A2ML1: variants seen among roughly 807,000 people sequenced by gnomAD.
A2ML1 encodes alpha-2-macroglobulin-like protein 1.
In A2ML1, 161 loss-of-function variants were observed where a neutral mutation model predicts 181.9. The observed-to-expected ratio is 0.89, with a 90% CI of 0.78 to 1.01. A2ML1 has a LOEUF of 1.01. Among genes scored for constraint, A2ML1 ranks in the 50% least tolerant of loss-of-function variants. A2ML1 has a pLI of 0.00. For synonymous variants in A2ML1, 663 were observed against 666.8 expected (o/e 0.99, Z 0.09); for missense variants, 1,670 against 1,768.1 (o/e 0.94, Z 1.00).
chr12:8,858,233 C>T, intron 26 of A2ML1, 131 bp downstream of exon 26: 1 of 1,141,166 alleles, frequency 8.8e-7, no homozygotes. Flanking sequence ...CTCTGGGTGA[C>T]CGTGATCAAA....
At chr12:8,883,625 C>T (rs978053719) in intron 7 of A2ML1, among the ~76,000 whole-genome samples, 1 of 151,398 alleles carries the variant, frequency 6.6e-6, no homozygotes, top group Non-Finnish European at 1.5e-5. Context: ...TTACAGGTGC[C>T]CACCACCACG....
At chr12:8,868,393 A>T in intron 31 of A2ML1, 36 bp downstream of exon 31, 1 of 1,608,642 alleles carries the variant, frequency 6.2e-7, no homozygotes, top group Non-Finnish European at 8.5e-7. Context: ...CCGGCAGAGC[A>T]CCTGGTCATA....
chr12:8,871,290 G>A (rs1944613072), intron 33 of A2ML1, among the ~76,000 whole-genome samples: 1 of 151,290 alleles, frequency 6.6e-6, no homozygotes, highest in Non-Finnish European at 1.5e-5. Context: ...TGTTTTTGCA[G>A]GTGTTCAGTG....
chr12:8,844,457 G>A (rs577992185), intron 12 of A2ML1, among the ~76,000 whole-genome samples: 1 of 151,928 alleles, frequency 6.6e-6, no homozygotes, highest in Non-Finnish European at 1.5e-5. Context: ...GATGATATGG[G>A]GTTAAATTCA....
intron 23 of A2ML1, 40 bp downstream of exon 23, chr12:8,855,632 G>A (rs79250113): frequency 2.3e-5 from 37 of 1,601,718 alleles, no homozygotes; most frequent in East Asian, 1.1e-4. Context: ...AGGAAAAGGC[G>A]AATGGAGGCT....
intron 33 of A2ML1, among the ~76,000 whole-genome samples, chr12:8,871,413 C>T (rs1231486538): frequency 6.6e-6 from 1 of 152,120 alleles, no homozygotes; most frequent in Non-Finnish European, 1.5e-5. Context: ...TATTTTTCTG[C>T]TTGATTTAAC....
At position 8,857,630 on chromosome 12, in the gene A2ML1, A is replaced by G. The variant is rs73038782; in HGVS notation, c.3107+42A>G. ...CCCAATGAGTTCTGTACTCCAGAGC[A>G]TAATTCCTGAGCCCTCTGGAACTAT... On this transcript the variant is annotated intron_variant, in intron 25 of 35. Coordinates refer to ENST00000299698, the MANE Select transcript of A2ML1 (RefSeq NM_144670.6). 0.07 allele frequency: 110,366 copies of G among 1,580,700 alleles called. 4,597 individuals carry two copies. Among genetic ancestry groups the G allele is most frequent in the Non-Finnish European group, 0.085 (98,031 of 1,158,722 alleles).
rs1432064692 is a variant in A2ML1 at position 8,845,867 on chromosome 12, AATAAAATAAAATAAAATAAAAT to A, written c.1538-208_1538-187del. Among the ~76,000 whole-genome samples, 12,862 of 124,332 alleles carry A rather than the reference AATAAAATAAAATAAAATAAAAT, an allele frequency of 0.1. 851 individuals carry two copies. The highest frequency in any genetic ancestry group is 0.14 in the Non-Finnish European group (8,774 of 63,040). 81.6% of individuals were successfully genotyped at this position (124,332 alleles called of 152,430 possible). On this transcript the variant is annotated intron_variant, in intron 13 of 35. Coordinates refer to ENST00000299698, the MANE Select transcript of A2ML1 (RefSeq NM_144670.6). ...TCCGTCTCAAAAAAAAAAAAAAATAAATAAAATAAAATAAAATAAAATAAAAAAATTCTTATCCACAGAAGTA... is the reference window on the plus strand; with the variant it reads ...TCCGTCTCAAAAAAAAAAAAAAATAAAAAAAAATTCTTATCCACAGAAGTA...
rs73036998 is a variant in A2ML1 at position 8,834,122 on chromosome 12, G to A, written c.463-540G>A. Among the ~76,000 whole-genome samples, 925 of 152,030 alleles carry A rather than the reference G, an allele frequency of 6.1e-3. 2 individuals carry two copies. The highest frequency in any genetic ancestry group is 8.1e-3 in the Non-Finnish European group (549 of 67,980). ...TGACCTGTTCCTCACAAACTTAATG[G>A]TTTCACATCTATTTAGCAACTACTG... On this transcript the variant is annotated intron_variant, in intron 4 of 35. Coordinates refer to ENST00000299698, the MANE Select transcript of A2ML1 (RefSeq NM_144670.6).
chr12:8,840,954 G>GGAAGGAAA (rs1163890861), intron 10 of A2ML1, among the ~76,000 whole-genome samples: 1,913 of 107,614 alleles, frequency 0.018, 40 homozygotes, highest in African/African-American at 0.061. Flanking sequence ...AAAGAAGGAA[G>GGAAGGAAA]GAAGGAAGGA....
At chr12:8,842,191 C>T (rs7954245) in intron 11 of A2ML1, among the ~76,000 whole-genome samples, 94,326 of 151,768 alleles carry the variant, frequency 0.62, 31,145 homozygotes, top group Middle Eastern at 0.78. Context: ...AGGGCTTTTC[C>T]AAACCTCTGT....
At chr12:8,884,843 A>T (rs1944906430) in intron 7 of A2ML1, among the ~76,000 whole-genome samples, 1 of 152,242 alleles carries the variant, frequency 6.6e-6, no homozygotes, top group African/African-American at 2.4e-5. Flanking sequence ...TTCCCATGAA[A>T]AACATGGTCT....
chr12:8,849,732 T>C lies in A2ML1; in HGVS notation c.2092T>C (p.Ser698Pro), dbSNP rs1943823855. ...IKKPVDCSHRSPEYSTAMGAG... is the reference protein window; with the variant it reads ...IKKPVDCSHRPPEYSTAMGAG... ...GAAGCCAGTAGATTGCAGTCACAGATCTCCAGAATACAGCACTGCTATGGG... is the reference window on the plus strand; with the variant it reads ...GAAGCCAGTAGATTGCAGTCACAGACCTCCAGAATACAGCACTGCTATGGG... The change falls in exon 17 of 36, where the codon TCT (serine) becomes CCT (proline). Residue 698 changes from serine (S) to proline (P), a missense_variant. Ser to Pro is a moderately conservative substitution (Grantham distance 74, BLOSUM62 -1). Transcript: ENST00000299698. 2 of 1,614,188 alleles carry C rather than the reference T, an allele frequency of 1.2e-6. No homozygotes were observed. The highest frequency in any genetic ancestry group is 8.5e-7 in the Non-Finnish European group (1 of 1,180,026).
chr12:8,829,698 C>T (rs538368656), intron 3 of A2ML1, 29 bp from the exon 4 acceptor site: 3 of 1,602,562 alleles, frequency 1.9e-6, no homozygotes, highest in South Asian at 1.1e-5. Flanking sequence ...GAAACATCCC[C>T]TTTGCTAATG....
chr12:8,845,865 T>TTA (rs1555111302), intron 13 of A2ML1, among the ~76,000 whole-genome samples: 2 of 131,212 alleles, frequency 1.5e-5, no homozygotes, highest in Non-Finnish European at 3.1e-5. Context: ...AAAAAAAAAA[T>TTA]AAATAAAATA....
At chr12:8,833,055 C>A (rs1943167993) in intron 4 of A2ML1, among the ~76,000 whole-genome samples, 1 of 150,920 alleles carries the variant, frequency 6.6e-6, no homozygotes, top group Non-Finnish European at 1.5e-5. Context: ...CTCACTGCAA[C>A]CTCCCCCTCC....
rs920614354 is a variant in A2ML1 at position 8,846,302 on chromosome 12, A to C, written c.1683+80A>C. ...TGTGTGTGCTGCGGTTGGAAACAAG[A>C]CAAGTCAGGGAAAGAAGATAGTGTT... On this transcript the variant is annotated intron_variant, in intron 14 of 35. Coordinates refer to ENST00000299698, the MANE Select transcript of A2ML1 (RefSeq NM_144670.6). 4 of 1,529,178 alleles carry C rather than the reference A, an allele frequency of 2.6e-6. No individual in the cohort carries two copies. The African/African-American group carries it at 5.5e-5, about 21-fold the overall frequency. 94.7% of individuals were successfully genotyped at this position (1,529,178 alleles called of 1,614,324 possible). A position where few individuals can be genotyped will look rare whatever the true frequency, so the allele number is the denominator to read the frequency against.
In A2ML1 at chr12:8,884,821, G is replaced by A. The variant is rs569798020; in HGVS notation, c.*95-1686G>A. 1.2e-4 allele frequency among the ~76,000 whole-genome samples: 19 copies of A among 152,322 alleles called. 1 individual carries two copies. The South Asian group carries it at 3.9e-3, about 32-fold the overall frequency. The stretch of plus-strand genomic sequence containing the variant: ...AGTTTGCTGAGTATAATGGCCTCCA[G>A]CTTCATCCATGTTCCCATGAAAAAC... On this transcript the variant is annotated intron_variant and NMD_transcript_variant, in intron 7 of 7. Coordinates refer to the A2ML1 transcript ENST00000537475.
intron 28 of A2ML1, among the ~76,000 whole-genome samples, chr12:8,861,563 C>T (rs1351370593): frequency 6.6e-6 from 1 of 152,146 alleles, no homozygotes; most frequent in Non-Finnish European, 1.5e-5. Flanking sequence ...TCTCGGCTCA[C>T]TCCAAGTTCC....
Sources: allele counts gnomAD v4.1 joint callset (sites outside exome capture counted in the v4.1 genomes callset), GRCh38; gene constraint gnomAD v4.1.1; transcripts MANE v1.5; gene names NCBI Gene and HGNC (gene_info 2026-07-23, HGNC 2026-07-21).